The following CLASP1 variants were observed in gnomAD, a reference collection of about 807,000 sequenced individuals.
CLASP1 encodes the protein CLIP-associating protein 1.
Under a neutral mutation model 192.3 loss-of-function variants are expected in CLASP1, and 38 were observed. The ratio of observed to expected loss-of-function variants is 0.20; its 90% CI spans 0.15 to 0.26. The LOEUF (loss-of-function observed/expected upper bound fraction) is 0.26. CLASP1 is among the 10% of genes least tolerant of loss of function. The probability of loss-of-function intolerance (pLI) is 1.00; values close to 1 mark genes in which losing one functional copy is unlikely to be tolerated. For synonymous variants in CLASP1, 691 were observed against 712.8 expected, an observed-to-expected ratio of 0.97 and a Z score of 0.49; for missense variants, 1,433 against 1,932.5, an observed-to-expected ratio of 0.74 and a Z score of 4.85.
At chr2:121,394,136 G>C (rs1191584582) in intron 30 of CLASP1, among the ~76,000 whole-genome samples, 2 of 152,110 alleles carry the variant, frequency 1.3e-5, no homozygotes, top group Non-Finnish European at 2.9e-5. Flanking sequence ...AGAGTGAGCG[G>C]GACTTGTGAA....
intron 2 of CLASP1, among the ~76,000 whole-genome samples, chr2:121,569,300 A>C (rs1052921056): frequency 6.6e-6 from 1 of 152,224 alleles, no homozygotes; most frequent in East Asian, 1.9e-4. Context: ...GATATAGCTC[A>C]TAACACAGAG....
At chr2:121,554,563 G>A (rs565491118) in intron 2 of CLASP1, among the ~76,000 whole-genome samples, 19 of 151,996 alleles carry the variant, frequency 1.3e-4, no homozygotes, top group Non-Finnish European at 2.1e-4. Context: ...CCAGGAGTTC[G>A]TGGCTGCAGT....
At chr2:121,448,840 G>T in intron 17 of CLASP1, 113 bp downstream of exon 17, 1 of 1,004,614 alleles carries the variant, frequency 1.0e-6, no homozygotes, top group Non-Finnish European at 1.5e-6. Flanking sequence ...CTCAAGTAAG[G>T]GGGCGTTTTA....
In CLASP1 at chr2:121,471,104, A is replaced by C. The variant is rs1483780909; in HGVS notation, c.713-1144T>G. Among the ~76,000 whole-genome samples, 4 of 152,164 alleles carry C rather than the reference A, an allele frequency of 2.6e-5. No homozygotes were observed. In the East Asian group the frequency reaches 7.7e-4, roughly 29 times the overall value. On this transcript the variant is annotated intron_variant, in intron 8 of 39. Coordinates refer to ENST00000263710, the Ensembl canonical transcript of CLASP1. Reference sequence around the variant, plus strand: ...TCAAGACCAGCCTGGGCAACATAGCAAGATCCTGTCTCTTAAAAATAAAAA... The same window carrying C: ...TCAAGACCAGCCTGGGCAACATAGCCAGATCCTGTCTCTTAAAAATAAAAA...
At chr2:121,521,975 G>GA (rs1483409049) in intron 6 of CLASP1, among the ~76,000 whole-genome samples, 1 of 152,136 alleles carries the variant, frequency 6.6e-6, no homozygotes, top group Non-Finnish European at 1.5e-5. Flanking sequence ...AAAGATTAAT[G>GA]AAAAAATTAA....
At chr2:121,354,183 G>A (rs1417376356) in intron 37 of CLASP1, among the ~76,000 whole-genome samples, 1 of 152,170 alleles carries the variant, frequency 6.6e-6, no homozygotes, top group East Asian at 1.9e-4. Flanking sequence ...AGAAAACTAG[G>A]AGCATGGCAG....
intron 9 of CLASP1, among the ~76,000 whole-genome samples, chr2:121,466,027 G>A (rs1482965604): frequency 1.3e-5 from 2 of 151,994 alleles, no homozygotes; most frequent in African/African-American, 4.8e-5. Context: ...AATTCAAGAT[G>A]GATTAAAAAC....
rs2076790021 is a variant in CLASP1, at chr2:121,405,564, CCT to C, written c.2670-1132_2670-1131del. ...AGTGTCCTCTCTTCCACAAATCATC[CCT>C]GATTAATGCCCTCTTACGTGGATGA... is the stretch of plus-strand genomic sequence containing the variant. On this transcript the variant is annotated intron_variant, in intron 25 of 39. Coordinates refer to ENST00000263710, the Ensembl canonical transcript of CLASP1. Among the ~76,000 whole-genome samples, 4 of 152,288 alleles carry C rather than the reference CCT, an allele frequency of 2.6e-5. No homozygotes were observed. The South Asian group carries it at 8.3e-4, about 32-fold the overall frequency.
exon 40 of CLASP1, chr2:121,339,271 TGCAGAGGGTCAGG>T (rs1222369436): frequency 6.6e-6 from 1 of 152,348 alleles, no homozygotes; most frequent in Non-Finnish European, 1.5e-5. Flanking sequence ...CTGCATCCAA[TGCAGAGGGTCAGG>T]GCAGAGGGGT....
chr2:121,461,982 C>T (rs2088087963), intron 10 of CLASP1, among the ~76,000 whole-genome samples: 1 of 152,102 alleles, frequency 6.6e-6, no homozygotes. Flanking sequence ...CACAGGAATC[C>T]AGAGCACAGA....
chr2:121,381,751 T>G, intron 33 of CLASP1, among the ~76,000 whole-genome samples: 1 of 152,082 alleles, frequency 6.6e-6, no homozygotes, highest in East Asian at 1.9e-4. Context: ...AGGAAAGAAA[T>G]CAGTTACAAA....
intron 25 of CLASP1, among the ~76,000 whole-genome samples, chr2:121,405,643 G>C (rs1284427632): frequency 1.3e-5 from 2 of 152,198 alleles, no homozygotes; most frequent in Non-Finnish European, 2.9e-5. Flanking sequence ...ACCTAGATTA[G>C]ACCAATGCCA....
chr2:121,364,915 TA>T, intron 36 of CLASP1, 178 bp downstream of exon 37: 1 of 652,656 alleles, frequency 1.5e-6, no homozygotes, highest in Non-Finnish European at 2.7e-6. Flanking sequence ...TTGTTGCTGA[TA>T]AAAACATGAC....
chr2:121,535,927 G>A (rs1270102612), intron 2 of CLASP1, among the ~76,000 whole-genome samples: 1 of 151,782 alleles, frequency 6.6e-6, no homozygotes, highest in Admixed American at 6.5e-5. Context: ...CTCCCAGAGT[G>A]CTGGGATTAC....
chr2:121,507,860 A>G (rs564086841), intron 7 of CLASP1, among the ~76,000 whole-genome samples: 1 of 152,306 alleles, frequency 6.6e-6, no homozygotes, highest in East Asian at 1.9e-4. Flanking sequence ...AGAGTGGAGC[A>G]GGGTGGGAAT....
chr2:121,368,898 T>A (rs1325385435), intron 34 of CLASP1, among the ~76,000 whole-genome samples: 1 of 152,250 alleles, frequency 6.6e-6, no homozygotes, highest in Non-Finnish European at 1.5e-5. Flanking sequence ...AATACATTCA[T>A]GATGTTGTGT....
chr2:121,551,131 C>T (rs555206985), intron 2 of CLASP1, among the ~76,000 whole-genome samples: 2 of 152,188 alleles, frequency 1.3e-5, no homozygotes, highest in African/African-American at 2.4e-5. Flanking sequence ...ATGATTATCT[C>T]AACAGATGCA....
At chr2:121,420,072 A>G (rs2079229333) in intron 22 of CLASP1, among the ~76,000 whole-genome samples, 2 of 152,248 alleles carry the variant, frequency 1.3e-5, no homozygotes, top group South Asian at 4.2e-4. Context: ...GCTCAGTACT[A>G]GAGTGGAACT....
intron 28 of CLASP1, 75 bp from the exon 30 acceptor site, chr2:121,398,475 C>T: frequency 9.7e-7 from 1 of 1,029,172 alleles, no homozygotes; most frequent in Non-Finnish European, 1.4e-6. Flanking sequence ...TTAACAAAAG[C>T]ATACCATTGT....
Sources: gnomAD v4.1 joint callset for allele counts (sites outside exome capture counted in the v4.1 genomes callset) on GRCh38, gnomAD v4.1.1 for gene constraint, MANE v1.5 for transcripts, NCBI Gene and HGNC (gene_info 2026-07-23, HGNC 2026-07-21) for gene names.